GRSF1: variants seen among roughly 807,000 people sequenced by gnomAD.
GRSF1 encodes G-rich RNA sequence binding factor 1, also known as G-rich sequence factor 1.
A neutral mutation model predicts 51.1 loss-of-function variants in GRSF1; 50 were observed. That is an observed-to-expected ratio of 0.98 (90% CI 0.78 to 1.24). The LOEUF (loss-of-function observed/expected upper bound fraction) is 1.24, where lower values mean the gene tolerates loss of function less well. Among genes scored for constraint, GRSF1 ranks in the 50% most tolerant of loss-of-function variants. GRSF1 has a pLI of 0.00. For synonymous variants in GRSF1, 293 were observed against 253.3 expected (o/e 1.16, Z -1.49); for missense variants, 700 against 639.7 (o/e 1.09, Z -1.02).
intron 2 of GRSF1, 70 bp downstream of exon 2, chr4:70,836,083 TAAAAC>T: frequency 1.1e-6 from 1 of 872,738 alleles, no homozygotes; most frequent in Non-Finnish European, 1.6e-6. Flanking sequence ...ATTACATACT[TAAAAC>T]ATACATACCT....
chr4:70,831,937 T>C (rs1733992643), intron 4 of GRSF1, among the ~76,000 whole-genome samples: 1 of 150,962 alleles, frequency 6.6e-6, no homozygotes, highest in Admixed American at 6.6e-5. Context: ...TGCTGTTAAT[T>C]ATATACTAGG....
intron 2 of GRSF1, among the ~76,000 whole-genome samples, chr4:70,833,688 C>T (rs73827033): frequency 0.027 from 4,080 of 152,134 alleles, 81 homozygotes; most frequent in Middle Eastern, 0.054. Flanking sequence ...CATAGTTTAA[C>T]TTTTTGTTTT....
chr4:70,829,744 G>GA (rs995259679), intron 5 of GRSF1, among the ~76,000 whole-genome samples: 11 of 152,148 alleles, frequency 7.2e-5, no homozygotes, highest in African/African-American at 2.7e-4. Flanking sequence ...GGTCAAGGCT[G>GA]AAATGAGCAG....
At chr4:70,822,758 T>C (rs77536186) in intron 9 of GRSF1, among the ~76,000 whole-genome samples, 8,999 of 152,118 alleles carry the variant, frequency 0.059, 369 homozygotes, top group East Asian at 0.1. Context: ...TGCATAAAAA[T>C]TCTATATGGA....
intron 9 of GRSF1, among the ~76,000 whole-genome samples, chr4:70,823,970 C>CT (rs1385320748): frequency 1.2e-4 from 4 of 33,134 alleles, no homozygotes; most frequent in Non-Finnish European, 4.5e-4. Flanking sequence ...ACAGTTGTAT[C>CT]TCTCTCTTTT....
At chr4:70,829,051 ATTTTT>A (rs1179883446) in intron 5 of GRSF1, among the ~76,000 whole-genome samples, 3 of 151,420 alleles carry the variant, frequency 2.0e-5, no homozygotes, top group African/African-American at 7.3e-5. Context: ...CACACTGCTA[ATTTTT>A]TTATTTTTTA....
In GRSF1 at chr4:70,817,758, T is replaced by A. The variant is rs1307312776; in HGVS notation, c.*3129A>T. 6.6e-6 allele frequency: 1 copy of A among 152,218 alleles called. No individual in the cohort carries two copies. Among genetic ancestry groups the A allele is most frequent in the East Asian group, 1.9e-4 (1 of 5,206 alleles). The allele number at this position is 152,218 out of a possible 1,614,324, so 9.4% of individuals were successfully genotyped here. On this transcript the variant is annotated 3_prime_UTR_variant, in exon 10 of 10. Coordinates refer to ENST00000254799, the MANE Select transcript of GRSF1 (RefSeq NM_002092.4). ...ACTTACAATCCAGCAACCTGGTTCC[T>A]TGGTATTTACCCAAAGGAGCTGAAA...
At chr4:70,832,024 T>C (rs1041855159) in intron 4 of GRSF1, among the ~76,000 whole-genome samples, 1 of 152,198 alleles carries the variant, frequency 6.6e-6, no homozygotes, top group African/African-American at 2.4e-5. Context: ...TAAATTGTTA[T>C]TGTCTTACAC....
At chr4:70,825,601 C>T in intron 7 of GRSF1, 170 bp from the exon 8 acceptor site, 2 of 431,584 alleles carry the variant, frequency 4.6e-6, no homozygotes, top group Non-Finnish European at 7.9e-6. Context: ...TGTCTTCTGG[C>T]TTTTTACTTT....
At chr4:70,839,952 G>C (rs1483888366), upstream of GRSF1, 1 of 808,484 alleles carries the variant, frequency 1.2e-6, no homozygotes, top group Non-Finnish European at 1.8e-6. Context: ...CACTGGGTGG[G>C]GGGCCTCCGA....
chr4:70,822,451 A>G (rs1435670082), intron 9 of GRSF1, among the ~76,000 whole-genome samples: 2 of 151,804 alleles, frequency 1.3e-5, no homozygotes, highest in Admixed American at 6.6e-5. Flanking sequence ...GATGTGGTAG[A>G]GAATGCCTGT....
intron 1 of GRSF1, 55 bp from the exon 2 acceptor site, chr4:70,836,369 T>A: frequency 7.8e-7 from 1 of 1,287,660 alleles, no homozygotes; most frequent in Non-Finnish European, 1.1e-6. Flanking sequence ...GTAAAAAATG[T>A]AAAAAAATTC....
chr4:70,838,219 CAAAAA>C (rs35303311), intron 1 of GRSF1, among the ~76,000 whole-genome samples: 7 of 94,626 alleles, frequency 7.4e-5, no homozygotes, highest in East Asian at 6.5e-4. Flanking sequence ...ACTCGGTCTC[CAAAAA>C]AAAAAAAAAA....
At chr4:70,834,824 C>CGA (rs1734127986) in intron 2 of GRSF1, among the ~76,000 whole-genome samples, 1 of 152,042 alleles carries the variant, frequency 6.6e-6, no homozygotes, top group African/African-American at 2.4e-5. Context: ...GGGGTTTCAA[C>CGA]ATGTTAGCCA....
chr4:70,836,486 A>T (rs1734214229), intron 1 of GRSF1, among the ~76,000 whole-genome samples, 172 bp from the exon 2 acceptor site: 1 of 152,262 alleles, frequency 6.6e-6, no homozygotes. Flanking sequence ...TTGTACATCC[A>T]AAAGCCATAA....
chr4:70,839,486 C>A lies in GRSF1; in HGVS notation c.342G>T (p.Thr114=). The change falls in exon 1 of 10, where the codon ACG becomes ACT. Residue 114 remains threonine, a synonymous_variant. Coordinates refer to ENST00000254799, the MANE Select transcript of GRSF1 (RefSeq NM_002092.4). Reference sequence around the variant, plus strand: ...GCCCACGTACCTGGCTGTAGCTGCGCGTCGGGACGGCGGCCGCCGCCGCCA... The same window carrying A: ...GCCCACGTACCTGGCTGTAGCTGCGAGTCGGGACGGCGGCCGCCGCCGCCA... The part of the protein sequence containing the change: ...QSLAAAAAVP[T]RSYSQESKTT... The A allele has an allele frequency of 3.5e-6, 5 of 1,425,996 alleles. No individual in the cohort carries two copies. The highest frequency in any genetic ancestry group is 4.6e-6 in the Non-Finnish European group (5 of 1,096,806). 88.3% of individuals were successfully genotyped at this position (1,425,996 alleles called of 1,614,324 possible). A position where few individuals can be genotyped will look rare whatever the true frequency, so the allele number is the denominator to read the frequency against.
At chr4:70,839,200 C>T in intron 1 of GRSF1, 1 of 1,410,058 alleles carries the variant, frequency 7.1e-7, no homozygotes, top group East Asian at 3.5e-5. Flanking sequence ...GGGAACAAGG[C>T]CTCAACATTC....
Position 70,839,522 on chromosome 4 carries a change from C to T in GRSF1, c.306G>A (p.Leu102=). Residue 102 remains leucine (L), a synonymous_variant, in exon 1 of 10, where the codon CTG becomes CTA. Coordinates refer to ENST00000254799, the MANE Select transcript of GRSF1 (RefSeq NM_002092.4). ...ASYSALRASL[L]PQSLAAAAAV... ...CGGCCGCCGCCGCCAGCGACTGCGG[C>T]AGCAGAGAGGCACGGAGGGCAGAGT... is the stretch of plus-strand genomic sequence containing the variant. 1 of 1,444,444 alleles carries T rather than the reference C, an allele frequency of 6.9e-7. No homozygotes were observed. Among genetic ancestry groups the T allele is most frequent in the Non-Finnish European group, 9.0e-7 (1 of 1,105,292 alleles). 89.5% of individuals were successfully genotyped at this position (1,444,444 alleles called of 1,614,324 possible).
rs1200803015 is a variant in GRSF1 at position 70,815,790 on chromosome 4, T to A, written c.*5097A>T. The A allele has an allele frequency of 6.6e-6, 1 of 152,222 alleles. No individual in the cohort carries two copies. The highest frequency in any genetic ancestry group is 1.5e-5 in the Non-Finnish European group (1 of 68,046). 9.4% of individuals were successfully genotyped at this position (152,222 alleles called of 1,614,324 possible). On this transcript the variant is annotated 3_prime_UTR_variant, in exon 10 of 10. Coordinates refer to ENST00000254799, the MANE Select transcript of GRSF1 (RefSeq NM_002092.4). ...TGTAGGTTCACAAAAAGGTTGTACA[T>A]GTTCATACCAACTTTATTCATGATA...
Sources: allele counts gnomAD v4.1 joint callset (sites outside exome capture counted in the v4.1 genomes callset), GRCh38; gene constraint gnomAD v4.1.1; transcripts MANE v1.5; gene names NCBI Gene and HGNC (gene_info 2026-07-23, HGNC 2026-07-21).